Variants in ANKRD44 observed in about 807,000 individuals in gnomAD.
ANKRD44 encodes the protein ankyrin repeat domain 44, also known as serine/threonine-protein phosphatase 6 regulatory ankyrin repeat subunit B.
Under a neutral mutation model 116.0 loss-of-function variants are expected in ANKRD44, and 35 were observed. That is an observed-to-expected ratio of 0.30 (90% confidence interval 0.23 to 0.40). ANKRD44 has a LOEUF of 0.40. ANKRD44 is among the 10% of genes least tolerant of loss of function. The probability of loss-of-function intolerance (pLI) is 1.00; values close to 1 mark genes in which losing one functional copy is unlikely to be tolerated. For missense variants in ANKRD44, 1,014 were observed against 1,242.6 expected, an observed-to-expected ratio of 0.82 and a Z score of 2.77; for synonymous variants, 435 against 461.8, an observed-to-expected ratio of 0.94 and a Z score of 0.74.
At chr2:196,977,514 C>A (rs2075768788) in intron 21 of ANKRD44, among the ~76,000 whole-genome samples, 1 of 152,158 alleles carries the variant, frequency 6.6e-6, no homozygotes, top group Admixed American at 6.5e-5. Context: ...AAAAACACAA[C>A]GTGATTTAAA....
chr2:197,008,599 C>T (rs2076240966), intron 19 of ANKRD44, among the ~76,000 whole-genome samples: 1 of 152,082 alleles, frequency 6.6e-6, no homozygotes, highest in Admixed American at 6.6e-5. Flanking sequence ...TGAGGTCTGT[C>T]CTATTTATTA....
intron 1 of ANKRD44, among the ~76,000 whole-genome samples, chr2:197,247,532 C>G (rs1194074539): frequency 3.3e-5 from 5 of 152,174 alleles, no homozygotes; most frequent in Non-Finnish European, 5.9e-5. Context: ...TGTCCAGTGG[C>G]AAGAAGTGGG....
intron 16 of ANKRD44, among the ~76,000 whole-genome samples, chr2:197,063,960 G>A (rs1037258314): frequency 1.3e-5 from 2 of 152,126 alleles, no homozygotes; most frequent in African/African-American, 4.8e-5. Context: ...ACGCCACAAA[G>A]ATACTCCTCG....
In ANKRD44 at chr2:196,988,381, T is replaced by G. The variant is rs1380178869; in HGVS notation, c.*1210A>C. The stretch of plus-strand genomic sequence containing the variant: ...ATCTGCTTTTTAAAAATTCATCTTC[T>G]CTAAACAAACGAAAAGGACAGAAGG... On this transcript the variant is annotated 3_prime_UTR_variant, in exon 28 of 28. Transcript: ENST00000282272. The G allele has an allele frequency of 2.0e-6, 2 of 985,242 alleles. No individual in the cohort carries two copies. Among genetic ancestry groups the G allele is most frequent in the Non-Finnish European group, 2.4e-6 (2 of 829,926 alleles). 61.0% of individuals were successfully genotyped at this position (985,242 alleles called of 1,614,324 possible).
At chr2:197,214,462 T>A (rs1158529511) in intron 1 of ANKRD44, among the ~76,000 whole-genome samples, 1 of 152,138 alleles carries the variant, frequency 6.6e-6, no homozygotes, top group Non-Finnish European at 1.5e-5. Context: ...TACAATGAGA[T>A]AGCAAGTCTA....
At chr2:197,008,053 A>G (rs1012654852) in intron 19 of ANKRD44, 130 bp from the exon 20 acceptor site, 1 of 658,032 alleles carries the variant, frequency 1.5e-6, no homozygotes, top group Non-Finnish European at 2.6e-6. Context: ...ATATTTTCTA[A>G]GTGTCCCCAG....
chr2:196,990,984 G>A (rs749608532), intron 27 of ANKRD44: 30 of 1,212,742 alleles, frequency 2.5e-5, no homozygotes, highest in Non-Finnish European at 3.0e-5. Context: ...GAGGAGGCAC[G>A]AGCATTCCAC....
chr2:197,284,503 A>AACACACACACACACACACACACAC (rs10547024), intron 1 of ANKRD44, among the ~76,000 whole-genome samples: 4 of 137,784 alleles, frequency 2.9e-5, no homozygotes, highest in African/African-American at 1.0e-4. Context: ...CAGAGAGTCA[A>AACACACACACACACACACACACAC]ACACACACAC....
At chr2:197,086,441 G>T (rs1362192894) in intron 13 of ANKRD44, among the ~76,000 whole-genome samples, 1 of 146,950 alleles carries the variant, frequency 6.8e-6, no homozygotes, top group Non-Finnish European at 1.5e-5. Flanking sequence ...TCTTTTAACT[G>T]AAAAAAAAAA....
At chr2:197,240,343 C>G (rs969676554) in intron 1 of ANKRD44, among the ~76,000 whole-genome samples, 3 of 135,136 alleles carry the variant, frequency 2.2e-5, no homozygotes, top group Admixed American at 8.2e-5. Flanking sequence ...CCACTGCACT[C>G]TAGTCTGGGT....
chr2:197,285,463 T>G (rs1425744971), intron 1 of ANKRD44, among the ~76,000 whole-genome samples: 1 of 152,146 alleles, frequency 6.6e-6, no homozygotes, highest in African/African-American at 2.4e-5. Context: ...CTTGCCAAAC[T>G]ATGGGAAATA....
chr2:197,273,339 T>G (rs2082953167), intron 1 of ANKRD44, among the ~76,000 whole-genome samples: 2 of 152,120 alleles, frequency 1.3e-5, no homozygotes, highest in East Asian at 3.8e-4. Flanking sequence ...ATTAAATGAA[T>G]AAGCAATTCA....
At chr2:197,278,508 C>A (rs1457167568) in intron 1 of ANKRD44, among the ~76,000 whole-genome samples, 1 of 152,054 alleles carries the variant, frequency 6.6e-6, no homozygotes. Context: ...AGGCACGCAC[C>A]ACCACGCCCG....
Position 196,993,609 on chromosome 2 carries a change from G to A in ANKRD44, c.2897C>T (p.Ala966Val), listed in dbSNP as rs2075959299. Reference sequence around the variant, plus strand: ...ATTTTCATCTACAGCAAGTACACAGGCCCCTTTGGCCAGCAACTCCTCAAC... The same window carrying A: ...ATTTTCATCTACAGCAAGTACACAGACCCCTTTGGCCAGCAACTCCTCAAC... ...VVVEELLAKGACVLAVDENAS... is the reference protein window; with the variant it reads ...VVVEELLAKGVCVLAVDENAS... The change falls in exon 27 of 28, where the codon GCC becomes GTC. Residue 966 changes from alanine (A) to valine (V), a missense_variant. Coordinates refer to ENST00000282272, the MANE Select transcript of ANKRD44 (RefSeq NM_001195144.2). 2.6e-6 allele frequency: 4 copies of A among 1,550,848 alleles called. No individual in the cohort carries two copies. In the South Asian group the frequency reaches 3.6e-5, roughly 14 times the overall value.
chr2:197,064,130 A>G (rs1238532421), intron 16 of ANKRD44, among the ~76,000 whole-genome samples: 2 of 152,240 alleles, frequency 1.3e-5, no homozygotes, highest in Non-Finnish European at 2.9e-5. Context: ...AGCCAGAAGA[A>G]AGTGGGGACC....
At chr2:197,275,757 G>A (rs1351228719) in intron 1 of ANKRD44, among the ~76,000 whole-genome samples, 1 of 152,060 alleles carries the variant, frequency 6.6e-6, no homozygotes, top group Non-Finnish European at 1.5e-5. Context: ...GGGGGTGGGA[G>A]CAGGAACGCT....
chr2:197,279,352 A>G (rs547736011), intron 1 of ANKRD44, among the ~76,000 whole-genome samples: 1 of 152,290 alleles, frequency 6.6e-6, no homozygotes, highest in East Asian at 1.9e-4. Flanking sequence ...CAAGCCATTG[A>G]GTCTCTATAT....
chr2:197,193,388 C>T (rs1012558452), intron 1 of ANKRD44, among the ~76,000 whole-genome samples: 4 of 152,270 alleles, frequency 2.6e-5, no homozygotes, highest in African/African-American at 9.6e-5. Flanking sequence ...ATAACAGTAT[C>T]AGTTAAATTG....
intron 10 of ANKRD44, among the ~76,000 whole-genome samples, chr2:197,098,315 A>G (rs1452946290): frequency 6.6e-6 from 1 of 152,196 alleles, no homozygotes; most frequent in African/African-American, 2.4e-5. Flanking sequence ...AATCTACCAG[A>G]GTGCTTCACA....
Sources: allele counts gnomAD v4.1 joint callset (sites outside exome capture counted in the v4.1 genomes callset), GRCh38; gene constraint gnomAD v4.1.1; transcripts MANE v1.5; gene names NCBI Gene and HGNC (gene_info 2026-07-23, HGNC 2026-07-21).